ROBO2: variants seen among roughly 807,000 people sequenced by gnomAD.
The protein encoded by ROBO2 is roundabout homolog 2.
A neutral mutation model predicts 160.8 loss-of-function variants in ROBO2; 53 were observed. The observed-to-expected ratio is 0.33, with a 90% CI of 0.26 to 0.41. The LOEUF (loss-of-function observed/expected upper bound fraction) is 0.41, where lower values mean the gene tolerates loss of function less well. Among genes scored for constraint, ROBO2 ranks in the 10% least tolerant of loss-of-function variants. ROBO2 has a pLI of 1.00. For missense variants in ROBO2, 1,577 were observed against 1,722.4 expected (o/e 0.92, Z 1.49); for synonymous variants, 664 against 611.7 (o/e 1.09, Z -1.26).
At chr3:77,119,830 T>C (rs1174970652) in intron 2 of ROBO2, among the ~76,000 whole-genome samples, 1 of 152,214 alleles carries the variant, frequency 6.6e-6, no homozygotes, top group Non-Finnish European at 1.5e-5. Flanking sequence ...GGAATTCACA[T>C]CGACATGTAA....
In ROBO2 at chr3:76,469,584, C is replaced by T. The variant is rs564713453; in HGVS notation, c.109+531982C>T. On this transcript the variant is annotated intron_variant, in intron 2 of 26. Transcript: ENST00000487694. ...CCTCTCTCTTTGCAATACTTATTAT[C>T]CCTTTTCTTCTTTTAATTTCCTGAA... Among the ~76,000 whole-genome samples the T allele has an allele frequency of 6.8e-4, 103 of 152,098 alleles. 1 individual carries two copies. The highest frequency in any genetic ancestry group is 1.1e-3 in the Non-Finnish European group (76 of 67,970).
chr3:76,794,981 G>A (rs1226129072), intron 2 of ROBO2, among the ~76,000 whole-genome samples: 1 of 151,966 alleles, frequency 6.6e-6, no homozygotes, highest in African/African-American at 2.4e-5. Context: ...ACCACCACAA[G>A]TAGCAAGTTG....
chr3:76,690,888 T>C (rs193168350), intron 2 of ROBO2, among the ~76,000 whole-genome samples: 7 of 152,192 alleles, frequency 4.6e-5, no homozygotes, highest in Admixed American at 4.6e-4. Context: ...CTAAAACTCA[T>C]GTTGAAATTT....
chr3:77,191,942 A>G (rs1469963501), intron 2 of ROBO2, among the ~76,000 whole-genome samples: 1 of 152,194 alleles, frequency 6.6e-6, no homozygotes, highest in East Asian at 1.9e-4. Context: ...TTCCCTTTAA[A>G]TGTAAGATGA....
At chr3:76,889,920 T>C (rs531812474) in intron 2 of ROBO2, among the ~76,000 whole-genome samples, 2 of 152,204 alleles carry the variant, frequency 1.3e-5, no homozygotes, top group East Asian at 1.9e-4. Context: ...TTAGTGCAGA[T>C]TGCTCAGAGT....
At chr3:76,014,386 T>C (rs1281478617) in intron 2 of ROBO2, among the ~76,000 whole-genome samples, 1 of 143,474 alleles carries the variant, frequency 7.0e-6, no homozygotes, top group African/African-American at 2.5e-5. Flanking sequence ...ATCCCAGAAG[T>C]AATCTGTATA....
chr3:76,017,871 C>G (rs2066450658), intron 2 of ROBO2, among the ~76,000 whole-genome samples: 1 of 152,112 alleles, frequency 6.6e-6, no homozygotes, highest in South Asian at 2.1e-4. Context: ...TACTTCTCCA[C>G]TCTTCCGTTT....
chr3:75,911,126 T>C (rs1946562595), intron 1 of ROBO2, among the ~76,000 whole-genome samples: 2 of 152,136 alleles, frequency 1.3e-5, no homozygotes, highest in Non-Finnish European at 2.9e-5. Context: ...ATTTCAAAAT[T>C]TGCAACCAAA....
chr3:76,018,246 G>A (rs2066461163), intron 2 of ROBO2, among the ~76,000 whole-genome samples: 1 of 151,844 alleles, frequency 6.6e-6, no homozygotes, highest in African/African-American at 2.4e-5. Flanking sequence ...GTAAAACATG[G>A]TGAATGTCAC....
chr3:76,426,536 T>G (rs906927768), intron 2 of ROBO2, among the ~76,000 whole-genome samples: 1 of 152,164 alleles, frequency 6.6e-6, no homozygotes, highest in East Asian at 1.9e-4. Flanking sequence ...ATACAGAATT[T>G]CATTCAAGTG....
intron 2 of ROBO2, among the ~76,000 whole-genome samples, chr3:76,820,303 C>T (rs1195108362): frequency 6.6e-6 from 1 of 151,956 alleles, no homozygotes; most frequent in African/African-American, 2.4e-5. Flanking sequence ...TAAAATTCTC[C>T]CTGGCATAAC....
chr3:76,570,244 C>A (rs2084876825), intron 2 of ROBO2, among the ~76,000 whole-genome samples: 2 of 152,158 alleles, frequency 1.3e-5, no homozygotes, highest in African/African-American at 4.8e-5. Flanking sequence ...TGCTTTTTTC[C>A]AGTCCAGTTT....
At chr3:76,042,246 G>A (rs1464069493) in intron 2 of ROBO2, among the ~76,000 whole-genome samples, 1 of 151,980 alleles carries the variant, frequency 6.6e-6, no homozygotes, top group East Asian at 1.9e-4. Flanking sequence ...AATGAATAAA[G>A]TACTTGATTT....
chr3:76,692,431 T>A (rs533778641), intron 2 of ROBO2, among the ~76,000 whole-genome samples: 1 of 152,242 alleles, frequency 6.6e-6, no homozygotes, highest in Non-Finnish European at 1.5e-5. Flanking sequence ...CTCCCAAGGC[T>A]TAGTCTGTAA....
intron 2 of ROBO2, among the ~76,000 whole-genome samples, chr3:77,315,853 C>A (rs377190983): frequency 3.3e-5 from 5 of 151,604 alleles, no homozygotes; most frequent in African/African-American, 1.2e-4. Flanking sequence ...TTAAAAAGAG[C>A]CAGGGTTTTT....
chr3:76,240,008 G>A (rs932369983), intron 2 of ROBO2, among the ~76,000 whole-genome samples: 20 of 152,126 alleles, frequency 1.3e-4, no homozygotes, highest in Admixed American at 1.3e-3. Flanking sequence ...AAAAGCAGTT[G>A]CCAAGGAGGG....
At chr3:77,331,522 AC>A (rs1339862315) in intron 2 of ROBO2, among the ~76,000 whole-genome samples, 1 of 152,198 alleles carries the variant, frequency 6.6e-6, no homozygotes, top group East Asian at 1.9e-4. Flanking sequence ...AAAAACAAAA[AC>A]AAAACCTTTT....
chr3:77,557,102 T>C (rs1027412263), intron 8 of ROBO2, among the ~76,000 whole-genome samples: 1 of 151,910 alleles, frequency 6.6e-6, no homozygotes, highest in Non-Finnish European at 1.5e-5. Context: ...ACTGAAATGC[T>C]ACTACGATAC....
chr3:75,951,174 A>G (rs779622059), intron 2 of ROBO2, among the ~76,000 whole-genome samples: 3 of 152,076 alleles, frequency 2.0e-5, no homozygotes, highest in Admixed American at 1.3e-4. Flanking sequence ...GTATCAAAAC[A>G]TCACATGTGA....
Sources: gnomAD v4.1 joint callset for allele counts (sites outside exome capture counted in the v4.1 genomes callset) on GRCh38, gnomAD v4.1.1 for gene constraint, MANE v1.5 for transcripts, NCBI Gene and HGNC (gene_info 2026-07-23, HGNC 2026-07-21) for gene names.